The following CSMD1 variants were observed in gnomAD, a reference collection of about 807,000 sequenced individuals.
CSMD1 encodes CUB and sushi domain-containing protein 1.
In CSMD1, 213 loss-of-function variants were observed where a neutral mutation model predicts 417.5. The observed-to-expected ratio is 0.51, with a 90% CI of 0.46 to 0.57. The LOEUF (loss-of-function observed/expected upper bound fraction) is 0.57, where lower values mean the gene tolerates loss of function less well. CSMD1 is among the 20% of genes least tolerant of loss of function. The probability of loss-of-function intolerance (pLI) is 0.00; values close to 1 mark genes in which losing one functional copy is unlikely to be tolerated. For missense variants in CSMD1, 6,923 were observed against 4,529.7 expected (o/e 1.53, Z -15.17); for synonymous variants, 2,862 against 1,736.8 (o/e 1.65, Z -16.11).
At chr8:3,257,458 A>T (rs904032897) in intron 26 of CSMD1, among the ~76,000 whole-genome samples, 3 of 152,196 alleles carry the variant, frequency 2.0e-5, no homozygotes, top group African/African-American at 7.2e-5. Context: ...TACAAAATAC[A>T]ACCAAGTAAT....
intron 3 of CSMD1, among the ~76,000 whole-genome samples, chr8:4,246,551 G>A (rs781615879): frequency 2.6e-5 from 4 of 152,108 alleles, no homozygotes; most frequent in African/African-American, 7.2e-5. Context: ...GATGTTTCAT[G>A]AGGGTTTTCT....
chr8:4,395,380 T>C (rs1240705262), intron 3 of CSMD1, among the ~76,000 whole-genome samples: 1 of 152,154 alleles, frequency 6.6e-6, no homozygotes, highest in Non-Finnish European at 1.5e-5. Flanking sequence ...TCCCAATATC[T>C]GGTCCAGCTA....
chr8:4,550,815 A>G (rs978986152), intron 2 of CSMD1, among the ~76,000 whole-genome samples: 1 of 152,290 alleles, frequency 6.6e-6, no homozygotes, highest in African/African-American at 2.4e-5. Flanking sequence ...AACCACCACC[A>G]ATTGGTCCAA....
chr8:2,997,120 G>C (rs984544706), intron 54 of CSMD1, among the ~76,000 whole-genome samples: 2 of 152,204 alleles, frequency 1.3e-5, no homozygotes, highest in Non-Finnish European at 2.9e-5. Context: ...TGAGTGAACT[G>C]GGTTTCATCA....
chr8:4,372,783 CAATA>C (rs1802474181), intron 3 of CSMD1, among the ~76,000 whole-genome samples: 1 of 149,372 alleles, frequency 6.7e-6, no homozygotes, highest in Non-Finnish European at 1.5e-5. Flanking sequence ...CCAAAGTGTA[CAATA>C]AATATACTTG....
At chr8:4,300,796 G>C (rs1056200323) in intron 3 of CSMD1, among the ~76,000 whole-genome samples, 4 of 152,056 alleles carry the variant, frequency 2.6e-5, no homozygotes, top group African/African-American at 9.7e-5. Context: ...TTGGTTTTTT[G>C]TCCTGGCAAT....
chr8:3,491,956 G>A (rs1207547202), intron 11 of CSMD1, among the ~76,000 whole-genome samples: 1 of 152,182 alleles, frequency 6.6e-6, no homozygotes, highest in Non-Finnish European at 1.5e-5. Flanking sequence ...TCACAGCCCA[G>A]AGGTCCCGGC....
chr8:3,175,024 G>C (rs1417267738), intron 37 of CSMD1, among the ~76,000 whole-genome samples: 1 of 152,028 alleles, frequency 6.6e-6, no homozygotes, highest in Non-Finnish European at 1.5e-5. Context: ...TATAAGTTTT[G>C]AACTCAGTGC....
chr8:4,041,650 T>C (rs1279451223), intron 3 of CSMD1, among the ~76,000 whole-genome samples: 4 of 151,906 alleles, frequency 2.6e-5, no homozygotes, highest in Admixed American at 2.6e-4. Context: ...AGAAGAAAAC[T>C]CAATCAATGA....
chr8:4,094,698 G>T (rs910124527), intron 3 of CSMD1, among the ~76,000 whole-genome samples: 1 of 152,106 alleles, frequency 6.6e-6, no homozygotes, highest in Non-Finnish European at 1.5e-5. Context: ...GGAAACGCCG[G>T]CTTCTAGAGA....
intron 5 of CSMD1, among the ~76,000 whole-genome samples, chr8:3,801,047 C>G (rs374326449): frequency 2.6e-5 from 4 of 150,974 alleles, no homozygotes; most frequent in African/African-American, 7.3e-5. Flanking sequence ...TCTTTATAAC[C>G]GTGGTTGAGG....
At chr8:4,965,035 A>G (rs1226639695) in intron 1 of CSMD1, among the ~76,000 whole-genome samples, 1 of 152,294 alleles carries the variant, frequency 6.6e-6, no homozygotes, top group African/African-American at 2.4e-5. Flanking sequence ...ACGTTGCTTT[A>G]CTTTAAAGAA....
chr8:4,915,450 C>G (rs909695015), intron 1 of CSMD1, among the ~76,000 whole-genome samples: 1 of 152,174 alleles, frequency 6.6e-6, no homozygotes, highest in Non-Finnish European at 1.5e-5. Flanking sequence ...AACCACATAT[C>G]TGCGTACAAT....
chr8:4,858,481 G>A (rs908765957), intron 1 of CSMD1, among the ~76,000 whole-genome samples: 19 of 151,310 alleles, frequency 1.3e-4, no homozygotes, highest in African/African-American at 4.1e-4. Flanking sequence ...AATTGTCCCT[G>A]TTTGCAGACG....
chr8:2,988,282 T>G (rs1806099347), intron 54 of CSMD1, among the ~76,000 whole-genome samples: 1 of 152,172 alleles, frequency 6.6e-6, no homozygotes, highest in Admixed American at 6.5e-5. Context: ...TTCTTTATGC[T>G]TATGTACATA....
chr8:4,104,140 C>T (rs547548531), intron 3 of CSMD1, among the ~76,000 whole-genome samples: 13 of 152,326 alleles, frequency 8.5e-5, no homozygotes, highest in Admixed American at 6.5e-4. Context: ...TTCAGTCCCT[C>T]GTCTGCAGCA....
chr8:4,319,366 T>A (rs1167872378), intron 3 of CSMD1, among the ~76,000 whole-genome samples: 1 of 152,146 alleles, frequency 6.6e-6, no homozygotes, highest in African/African-American at 2.4e-5. Context: ...TTGCTGAATG[T>A]TTCTTTGAAA....
intron 3 of CSMD1, among the ~76,000 whole-genome samples, chr8:4,352,723 CTCTGT>C (rs1334139347): frequency 6.6e-6 from 1 of 152,196 alleles, no homozygotes; most frequent in African/African-American, 2.4e-5. Flanking sequence ...AATAAGAACC[CTCTGT>C]TCTGAGATTT....
chr8:4,726,332 T>G (rs1301615302), intron 1 of CSMD1, among the ~76,000 whole-genome samples: 2 of 152,072 alleles, frequency 1.3e-5, no homozygotes, highest in Non-Finnish European at 2.9e-5. Context: ...AAAAAAAGCT[T>G]TTTGTATTCC....
Sources: gnomAD v4.1 joint callset for allele counts (sites outside exome capture counted in the v4.1 genomes callset) on GRCh38, gnomAD v4.1.1 for gene constraint, MANE v1.5 for transcripts, NCBI Gene and HGNC (gene_info 2026-07-23, HGNC 2026-07-21) for gene names.